DDX4: variants seen among roughly 807,000 people sequenced by gnomAD.
The protein encoded by DDX4 is probable ATP-dependent RNA helicase DDX4.
A neutral mutation model predicts 100.0 loss-of-function variants in DDX4; 25 were observed. That is an observed-to-expected ratio of 0.25 (90% CI 0.18 to 0.35). The LOEUF is 0.35. Among genes scored for constraint, DDX4 ranks in the 10% least tolerant of loss-of-function variants. DDX4 has a pLI of 1.00. For synonymous variants in DDX4, 259 were observed against 275.7 expected, an observed-to-expected ratio of 0.94 and a Z score of 0.60; for missense variants, 635 against 882.4, an observed-to-expected ratio of 0.72 and a Z score of 3.55.
chr5:55,810,043 AC>A (rs201222671), intron 18 of DDX4, among the ~76,000 whole-genome samples: 129 of 152,296 alleles, frequency 8.5e-4, no homozygotes, highest in African/African-American at 1.2e-3. Flanking sequence ...ACACACACAC[AC>A]AAAAAATAGA....
At chr5:55,755,443 G>A (rs1290714120) in intron 3 of DDX4, among the ~76,000 whole-genome samples, 2 of 152,074 alleles carry the variant, frequency 1.3e-5, no homozygotes, top group Non-Finnish European at 2.9e-5. Flanking sequence ...ATCTATTAAT[G>A]TAGTAAATGA....
intron 3 of DDX4, 129 bp downstream of exon 3, chr5:55,746,350 G>A: frequency 1.5e-6 from 1 of 658,900 alleles, no homozygotes. Flanking sequence ...AGTTCCTTCT[G>A]ATTTGGATAT....
intron 2 of DDX4, among the ~76,000 whole-genome samples, chr5:55,744,263 G>C (rs761602271): frequency 1.3e-5 from 2 of 152,174 alleles, no homozygotes; most frequent in Non-Finnish European, 2.9e-5. Context: ...TTGGGACTTA[G>C]TTAAATGAAC....
chr5:55,742,224 T>C (rs1021137679), intron 2 of DDX4: 22 of 456,154 alleles, frequency 4.8e-5, no homozygotes, highest in Admixed American at 9.4e-5. Flanking sequence ...TGCAGGCTTA[T>C]TGGGGTGAGT....
chr5:55,776,425 A>G (rs2111935343), intron 7 of DDX4, among the ~76,000 whole-genome samples: 1 of 152,302 alleles, frequency 6.6e-6, no homozygotes, highest in East Asian at 1.9e-4. Flanking sequence ...AGAGTTAGAG[A>G]GGCACAAGAG....
chr5:55,789,962 A>C (rs1408301475), intron 15 of DDX4, among the ~76,000 whole-genome samples: 1 of 152,052 alleles, frequency 6.6e-6, no homozygotes, highest in African/African-American at 2.4e-5. Flanking sequence ...AAACATGTGG[A>C]TTGCTTATTT....
rs566555475 is a variant in DDX4, at chr5:55,742,710, A to G, written c.70-3454A>G. Among the ~76,000 whole-genome samples the G allele has an allele frequency of 5.9e-5, 9 of 152,360 alleles. No homozygotes were observed. In the East Asian group the frequency reaches 1.5e-3, roughly 26 times the overall value. ...AAGAGGTAAGCTAAAGACAAGACCT[A>G]TGATTCATTCAACATATTTTTGAGT... On this transcript the variant is annotated intron_variant, in intron 2 of 21. Coordinates refer to ENST00000505374, the MANE Select transcript of DDX4 (RefSeq NM_024415.3).
chr5:55,744,936 A>C (rs1244636495), intron 2 of DDX4, among the ~76,000 whole-genome samples: 3 of 151,776 alleles, frequency 2.0e-5, no homozygotes, highest in Admixed American at 1.3e-4. Context: ...GCTGGAGTGC[A>C]GTGGCACGAT....
At chr5:55,802,505 A>C (rs1178931980) in intron 18 of DDX4, among the ~76,000 whole-genome samples, 1 of 152,192 alleles carries the variant, frequency 6.6e-6, no homozygotes, top group Non-Finnish European at 1.5e-5. Flanking sequence ...TGTATATGTT[A>C]GGGATCAGCT....
chr5:55,783,172 T>C (rs1426558919), intron 10 of DDX4, among the ~76,000 whole-genome samples: 1 of 152,122 alleles, frequency 6.6e-6, no homozygotes, highest in African/African-American at 2.4e-5. Context: ...CAATGAAGCT[T>C]GCTCGATGTA....
intron 16 of DDX4, among the ~76,000 whole-genome samples, 164 bp from the exon 17 acceptor site, chr5:55,792,477 A>G (rs1224495843): frequency 1.3e-5 from 2 of 151,304 alleles, no homozygotes; most frequent in African/African-American, 4.9e-5. Flanking sequence ...CTCCTGCCTC[A>G]GCCTCCCAGG....
At chr5:55,796,823 CTTTTTTTTTTTTTTTTTTT>C (rs3990072) in intron 17 of DDX4, among the ~76,000 whole-genome samples, 14 of 59,938 alleles carry the variant, frequency 2.3e-4, no homozygotes, top group South Asian at 8.9e-4. Context: ...TTCTTTCTTT[CTTTTTTTTTTTTTTTTTTT>C]TTTTTTTTTT....
At chr5:55,786,810 A>C in intron 14 of DDX4, 140 bp downstream of exon 14, 1 of 679,336 alleles carries the variant, frequency 1.5e-6, no homozygotes, top group African/African-American at 1.8e-5. Context: ...TTTGCTTCTG[A>C]TTTTTATTAG....
intron 18 of DDX4, among the ~76,000 whole-genome samples, chr5:55,804,458 C>T (rs1743556797): frequency 6.6e-6 from 1 of 152,162 alleles, no homozygotes; most frequent in African/African-American, 2.4e-5. Context: ...GGTTTCTGGT[C>T]TAACGTTTAA....
At chr5:55,775,524 CTT>C (rs1241659214) in intron 7 of DDX4, among the ~76,000 whole-genome samples, 1 of 151,952 alleles carries the variant, frequency 6.6e-6, no homozygotes, top group Non-Finnish European at 1.5e-5. Context: ...TTTTCCTTGC[CTT>C]TTTGGAGTAG....
chr5:55,759,686 T>A (rs1365921625), intron 3 of DDX4, among the ~76,000 whole-genome samples: 1 of 152,190 alleles, frequency 6.6e-6, no homozygotes, highest in Non-Finnish European at 1.5e-5. Context: ...ACAGTGCTTA[T>A]AAAAATTTTT....
chr5:55,765,395 TAAAAA>T (rs57279452), intron 6 of DDX4, among the ~76,000 whole-genome samples: 20 of 87,566 alleles, frequency 2.3e-4, no homozygotes, highest in East Asian at 1.2e-3. Context: ...TTAGTTCCCC[TAAAAA>T]AAAAAAAAAA....
chr5:55,753,015 A>G (rs1759665843), intron 3 of DDX4, among the ~76,000 whole-genome samples: 1 of 151,330 alleles, frequency 6.6e-6, no homozygotes, highest in African/African-American at 2.4e-5. Flanking sequence ...TCCTTTGCCC[A>G]CTTTTTGATG....
chr5:55,745,388 CTT>C (rs1468894078), intron 2 of DDX4, among the ~76,000 whole-genome samples: 1 of 151,982 alleles, frequency 6.6e-6, no homozygotes, highest in African/African-American at 2.4e-5. Flanking sequence ...TCATGTATTA[CTT>C]GTCAGATTTT....
Sources: gnomAD v4.1 joint callset for allele counts (sites outside exome capture counted in the v4.1 genomes callset) on GRCh38, gnomAD v4.1.1 for gene constraint, MANE v1.5 for transcripts, NCBI Gene and HGNC (gene_info 2026-07-23, HGNC 2026-07-21) for gene names.